The following CSMD1 variants were observed in gnomAD, a reference collection of about 807,000 sequenced individuals.
CSMD1 encodes CUB and Sushi multiple domains 1, also known as CUB and sushi domain-containing protein 1.
A neutral mutation model predicts 417.5 loss-of-function variants in CSMD1; 213 were observed. That is an observed-to-expected ratio of 0.51 (90% CI 0.46 to 0.57). CSMD1 has a LOEUF of 0.57. Ranked by LOEUF, CSMD1 falls within the 20% of genes least tolerant of loss-of-function variation. The probability of loss-of-function intolerance (pLI) is 0.00; values close to 1 mark genes in which losing one functional copy is unlikely to be tolerated. For missense variants in CSMD1, 6,923 were observed against 4,529.7 expected (o/e 1.53, Z -15.17); for synonymous variants, 2,862 against 1,736.8 (o/e 1.65, Z -16.11).
chr8:2,975,013 T>C (rs932857602), intron 55 of CSMD1, among the ~76,000 whole-genome samples: 1 of 152,228 alleles, frequency 6.6e-6, no homozygotes, highest in Non-Finnish European at 1.5e-5. Flanking sequence ...CCACGATGTT[T>C]TCAGTTAATA....
intron 10 of CSMD1, among the ~76,000 whole-genome samples, chr8:3,509,193 CGGAAATCTG>C (rs1288296028): frequency 6.6e-6 from 1 of 152,078 alleles, no homozygotes; most frequent in African/African-American, 2.4e-5. Flanking sequence ...TGATTGGTTT[CGGAAATCTG>C]GGCAATTAGA....
At chr8:3,954,460 G>A (rs534067711) in intron 5 of CSMD1, among the ~76,000 whole-genome samples, 5 of 152,066 alleles carry the variant, frequency 3.3e-5, no homozygotes, top group African/African-American at 4.8e-5. Flanking sequence ...TCCTCCTCCC[G>A]GGTTCAGGCG....
At chr8:4,420,339 T>G (rs1217534) in intron 2 of CSMD1, among the ~76,000 whole-genome samples, 20,174 of 151,932 alleles carry the variant, frequency 0.13, 2,190 homozygotes, top group African/African-American at 0.3. Flanking sequence ...ATGCTCCTCG[T>G]TTTTGGATGG....
intron 6 of CSMD1, among the ~76,000 whole-genome samples, chr8:3,719,373 T>C (rs12548366): frequency 7.2e-5 from 11 of 152,196 alleles, no homozygotes; most frequent in Admixed American, 7.2e-4. Context: ...GATTTTTTCA[T>C]CTGTTAAAAG....
At chr8:4,416,459 A>C (rs1027818605) in intron 3 of CSMD1, among the ~76,000 whole-genome samples, 1 of 151,102 alleles carries the variant, frequency 6.6e-6, no homozygotes, top group Non-Finnish European at 1.5e-5. Flanking sequence ...TATATTCATA[A>C]TAAACACGTG....
intron 26 of CSMD1, among the ~76,000 whole-genome samples, chr8:3,259,578 T>TTG (rs746699406): frequency 1.6e-4 from 25 of 152,234 alleles, no homozygotes; most frequent in Non-Finnish European, 3.2e-4. Context: ...CAATGATTAG[T>TTG]TGTTAAACAT....
intron 26 of CSMD1, among the ~76,000 whole-genome samples, chr8:3,243,725 T>C (rs1474972173): frequency 6.6e-6 from 1 of 151,552 alleles, no homozygotes; most frequent in Non-Finnish European, 1.5e-5. Flanking sequence ...AATATAATTA[T>C]TTATGAAAAT....
chr8:4,723,363 G>C (rs931860856), intron 1 of CSMD1, among the ~76,000 whole-genome samples: 1 of 152,056 alleles, frequency 6.6e-6, no homozygotes, highest in African/African-American at 2.4e-5. Context: ...ACCGAGGTTC[G>C]CTCAACTCAT....
chr8:4,296,457 G>C (rs1046034489), intron 3 of CSMD1, among the ~76,000 whole-genome samples: 2 of 152,120 alleles, frequency 1.3e-5, no homozygotes, highest in African/African-American at 2.4e-5. Context: ...CTCATGGCCA[G>C]AGGTAAAATA....
intron 37 of CSMD1, among the ~76,000 whole-genome samples, chr8:3,166,449 G>A (rs1298800836): frequency 1.3e-5 from 2 of 152,052 alleles, no homozygotes; most frequent in South Asian, 2.1e-4. Context: ...CAGGAGAATC[G>A]CTTGAACCTG....
intron 3 of CSMD1, among the ~76,000 whole-genome samples, chr8:4,033,390 C>G (rs935205407): frequency 6.6e-6 from 1 of 152,056 alleles, no homozygotes; most frequent in African/African-American, 2.4e-5. Flanking sequence ...TGCGGTGAGC[C>G]GAGATCGCAC....
At chr8:3,258,241 C>T (rs575121103) in intron 26 of CSMD1, among the ~76,000 whole-genome samples, 1 of 152,056 alleles carries the variant, frequency 6.6e-6, no homozygotes, top group Non-Finnish European at 1.5e-5. Flanking sequence ...GGAACTTGGA[C>T]AAATTTACAC....
rs150112887 is a variant in CSMD1 at position 4,963,461 on chromosome 8, A to G, written c.85+30871T>C. ...GCAATCCACCCACCTCGACCTCCCAAAGTGCTGGGATTACAGGGGTGAGAC... is the reference window on the plus strand; with the variant it reads ...GCAATCCACCCACCTCGACCTCCCAGAGTGCTGGGATTACAGGGGTGAGAC... On this transcript the variant is annotated intron_variant, in intron 1 of 69. Transcript: ENST00000635120. Among the ~76,000 whole-genome samples the G allele has an allele frequency of 5.9e-3, 897 of 152,148 alleles. 10 individuals are homozygous for G. The highest frequency in any genetic ancestry group is 0.021 in the African/African-American group (854 of 41,508).
At chr8:3,048,966 T>A (rs946892274) in intron 50 of CSMD1, among the ~76,000 whole-genome samples, 1 of 151,350 alleles carries the variant, frequency 6.6e-6, no homozygotes, top group Non-Finnish European at 1.5e-5. Flanking sequence ...AGATGGCAAC[T>A]GAGCATATGA....
intron 2 of CSMD1, among the ~76,000 whole-genome samples, chr8:4,547,853 G>A (rs140029881): frequency 6.6e-5 from 10 of 152,274 alleles, no homozygotes; most frequent in African/African-American, 2.2e-4. Flanking sequence ...GTTGTTGCAC[G>A]GGGATTGGAC....
intron 25 of CSMD1, among the ~76,000 whole-genome samples, chr8:3,304,161 G>C (rs897918101): frequency 6.6e-6 from 1 of 152,030 alleles, no homozygotes; most frequent in African/African-American, 2.4e-5. Flanking sequence ...AGATATCATA[G>C]TATAAATGCA....
At chr8:4,275,771 T>C (rs903379417) in intron 3 of CSMD1, among the ~76,000 whole-genome samples, 1 of 152,188 alleles carries the variant, frequency 6.6e-6, no homozygotes, top group African/African-American at 2.4e-5. Context: ...AGTCACAGAA[T>C]AAAAACTCTA....
intron 62 of CSMD1, among the ~76,000 whole-genome samples, chr8:2,959,379 G>A (rs544795820): frequency 6.6e-5 from 10 of 152,164 alleles, no homozygotes; most frequent in East Asian, 3.9e-4. Flanking sequence ...GATTACAGGC[G>A]TGAGCTGCTG....
intron 3 of CSMD1, among the ~76,000 whole-genome samples, chr8:4,189,344 G>C (rs1032535635): frequency 6.6e-6 from 1 of 152,034 alleles, no homozygotes; most frequent in Non-Finnish European, 1.5e-5. Context: ...TGTTTATTAG[G>C]AATAATGATA....
Sources: gnomAD v4.1 joint callset for allele counts (sites outside exome capture counted in the v4.1 genomes callset) on GRCh38, gnomAD v4.1.1 for gene constraint, MANE v1.5 for transcripts, NCBI Gene and HGNC (gene_info 2026-07-23, HGNC 2026-07-21) for gene names.